Variants in NAALADL2 observed in about 807,000 individuals in gnomAD.
The protein encoded by NAALADL2 is N-acetylated alpha-linked acidic dipeptidase like 2.
A neutral mutation model predicts 87.2 loss-of-function variants in NAALADL2; 76 were observed. That is an observed-to-expected ratio of 0.87 (90% confidence interval 0.72 to 1.05). The LOEUF is 1.05. Among genes scored for constraint, NAALADL2 ranks in the 50% least tolerant of loss-of-function variants. NAALADL2 has a pLI of 0.00. For synonymous variants in NAALADL2, 354 were observed against 331.0 expected (o/e 1.07, Z -0.75); for missense variants, 1,089 against 945.8 (o/e 1.15, Z -1.99).
chr3:174,915,581 C>T (rs546287910), intron 1 of NAALADL2, among the ~76,000 whole-genome samples: 9 of 152,056 alleles, frequency 5.9e-5, no homozygotes, highest in South Asian at 2.1e-4. Flanking sequence ...ATGTTATATT[C>T]AGATTTATTT....
At chr3:174,549,599 G>A (rs1336020311) in intron 1 of NAALADL2, among the ~76,000 whole-genome samples, 3 of 152,292 alleles carry the variant, frequency 2.0e-5, no homozygotes, top group East Asian at 1.9e-4. Flanking sequence ...AGGAACATGG[G>A]CAAACAGTTA....
chr3:174,538,752 A>G (rs772051735), intron 1 of NAALADL2, among the ~76,000 whole-genome samples: 8 of 152,118 alleles, frequency 5.3e-5, no homozygotes, highest in Non-Finnish European at 1.0e-4. Flanking sequence ...CTTCCCTTCT[A>G]TTGATTCCAG....
At chr3:175,586,608 T>C (rs1387824561) in intron 10 of NAALADL2, among the ~76,000 whole-genome samples, 1 of 152,244 alleles carries the variant, frequency 6.6e-6, no homozygotes, top group Non-Finnish European at 1.5e-5. Flanking sequence ...AATGTTTATG[T>C]AGTACTGAAA....
At chr3:174,981,456 T>C (rs950034418) in intron 1 of NAALADL2, among the ~76,000 whole-genome samples, 1 of 152,202 alleles carries the variant, frequency 6.6e-6, no homozygotes, top group African/African-American at 2.4e-5. Context: ...TGTCATGTTT[T>C]CTGGTAGCAT....
At chr3:174,483,784 C>T (rs1717701475) in intron 1 of NAALADL2, among the ~76,000 whole-genome samples, 1 of 151,880 alleles carries the variant, frequency 6.6e-6, no homozygotes, top group Admixed American at 6.6e-5. Flanking sequence ...GCAAAAAATA[C>T]ATGAAAATAG....
intron 2 of NAALADL2, among the ~76,000 whole-genome samples, chr3:175,153,067 TTTC>T (rs2108793539): frequency 6.6e-6 from 1 of 152,310 alleles, no homozygotes; most frequent in African/African-American, 2.4e-5. Context: ...TATTTTCATA[TTTC>T]TTATTTTCTC....
At chr3:175,602,467 T>TAGAG (rs556252372) in intron 10 of NAALADL2, among the ~76,000 whole-genome samples, 117 of 142,472 alleles carry the variant, frequency 8.2e-4, no homozygotes, top group African/African-American at 3.2e-3. Context: ...TCTATATATA[T>TAGAG]AGAGAGAGAG....
At chr3:175,187,058 C>T (rs929818840) in intron 2 of NAALADL2, among the ~76,000 whole-genome samples, 2 of 151,998 alleles carry the variant, frequency 1.3e-5, no homozygotes, top group South Asian at 2.1e-4. Context: ...TTCAGAGAGC[C>T]AGTATTTCTG....
At chr3:175,014,940 G>A (rs1418600974) in intron 1 of NAALADL2, among the ~76,000 whole-genome samples, 5 of 151,772 alleles carry the variant, frequency 3.3e-5, no homozygotes, top group Admixed American at 2.0e-4. Context: ...ATATGGCTTA[G>A]GAATGCTACT....
intron 9 of NAALADL2, among the ~76,000 whole-genome samples, chr3:175,484,708 G>A (rs900201347): frequency 4.6e-5 from 7 of 152,118 alleles, no homozygotes; most frequent in Admixed American, 4.6e-4. Context: ...GCCAAGACTT[G>A]CTAAAAGCTG....
At position 174,797,305 on chromosome 3, in the gene NAALADL2, C is replaced by CTTTTTTTTTTTTTTT. The variant is rs1160338109; in HGVS notation, c.-9+59569_-9+59583dup. 2.9e-4 allele frequency among the ~76,000 whole-genome samples: 21 copies of CTTTTTTTTTTTTTTT among 72,716 alleles called. 2 individuals are homozygous for CTTTTTTTTTTTTTTT. Among genetic ancestry groups the CTTTTTTTTTTTTTTT allele is most frequent in the African/African-American group, 1.1e-3 (15 of 14,130 alleles). The allele number at this position is 72,716 out of a possible 152,430, so 47.7% of individuals were successfully genotyped here. On this transcript the variant is annotated intron_variant, in intron 3 of 3. Transcript: ENST00000434257. ...CTTTTTTCTTTTGTTTTTCTTTTTT[C>CTTTTTTTTTTTTTTT]TTTTTTTTTTTTTTTTTTTTTTTTG...
chr3:175,119,269 A>T (rs994234449), intron 2 of NAALADL2, among the ~76,000 whole-genome samples: 3 of 151,744 alleles, frequency 2.0e-5, no homozygotes, highest in African/African-American at 7.2e-5. Context: ...CAGTATAAAA[A>T]CATCTAACTA....
At chr3:175,318,698 A>G (rs938158816) in intron 4 of NAALADL2, among the ~76,000 whole-genome samples, 6 of 152,206 alleles carry the variant, frequency 3.9e-5, no homozygotes, top group African/African-American at 1.4e-4. Context: ...TGATGTGTGT[A>G]TGATATATGA....
chr3:174,471,556 T>A (rs1716907207), intron 1 of NAALADL2, among the ~76,000 whole-genome samples: 1 of 143,650 alleles, frequency 7.0e-6, no homozygotes, highest in African/African-American at 2.6e-5. Context: ...CTACAAAAAT[T>A]CCATGAGACT....
chr3:175,165,471 CA>C (rs1300429771), intron 2 of NAALADL2, among the ~76,000 whole-genome samples: 1 of 151,778 alleles, frequency 6.6e-6, no homozygotes, highest in South Asian at 2.1e-4. Flanking sequence ...ATTTAAGGCT[CA>C]AAAAAGTTAT....
At chr3:174,606,541 G>A (rs1349668623) in intron 2 of NAALADL2, among the ~76,000 whole-genome samples, 3 of 152,270 alleles carry the variant, frequency 2.0e-5, no homozygotes, top group East Asian at 1.9e-4. Context: ...CTCAGGAGTC[G>A]ATGTGATCAA....
At chr3:174,957,526 G>A (rs1741326861) in intron 1 of NAALADL2, among the ~76,000 whole-genome samples, 2 of 151,976 alleles carry the variant, frequency 1.3e-5, no homozygotes, top group African/African-American at 4.8e-5. Context: ...CTAAGCTGTG[G>A]GGGTATATCC....
chr3:174,862,857 T>A (rs1726669755), intron 1 of NAALADL2, among the ~76,000 whole-genome samples: 1 of 152,072 alleles, frequency 6.6e-6, no homozygotes, highest in Admixed American at 6.6e-5. Context: ...CTCCTTCTAC[T>A]TCAGTTCTTC....
intron 2 of NAALADL2, among the ~76,000 whole-genome samples, chr3:175,158,135 A>G (rs73041397): frequency 0.17 from 26,545 of 151,962 alleles, 2,911 homozygotes; most frequent in African/African-American, 0.31. Context: ...TATTTCTTCA[A>G]TCACCAAACA....
Sources: gnomAD v4.1 joint callset for allele counts (sites outside exome capture counted in the v4.1 genomes callset) on GRCh38, gnomAD v4.1.1 for gene constraint, MANE v1.5 for transcripts, NCBI Gene and HGNC (gene_info 2026-07-23, HGNC 2026-07-21) for gene names.